Variants in ICE2 observed in about 807,000 individuals in gnomAD.
The protein encoded by ICE2 is little elongation complex subunit 2.
A neutral mutation model predicts 105.4 loss-of-function variants in ICE2; 87 were observed. The ratio of observed to expected loss-of-function variants is 0.83; its 90% CI spans 0.69 to 0.99. The LOEUF (loss-of-function observed/expected upper bound fraction) is 0.99. ICE2 is among the 50% of genes least tolerant of loss of function. ICE2 has a pLI of 0.00. For synonymous variants in ICE2, 399 were observed against 392.0 expected (o/e 1.02, Z -0.21); for missense variants, 1,323 against 1,146.7 (o/e 1.15, Z -2.22).
intron 14 of ICE2, among the ~76,000 whole-genome samples, chr15:60,430,593 C>G (rs566183736): frequency 6.6e-6 from 1 of 152,220 alleles, no homozygotes; most frequent in Admixed American, 6.5e-5. Flanking sequence ...AAAATCCTGT[C>G]ACATAATCAC....
At chr15:60,470,820 G>A (rs972333113) in intron 3 of ICE2, among the ~76,000 whole-genome samples, 3 of 151,844 alleles carry the variant, frequency 2.0e-5, no homozygotes, top group African/African-American at 7.3e-5. Context: ...TATAGGTATA[G>A]GATATATTTA....
chr15:60,419,855 CT>C lies in ICE2; in HGVS notation c.*3778del, dbSNP rs2063225200. 3 of 152,304 alleles carry C rather than the reference CT, an allele frequency of 2.0e-5. No homozygotes were observed. In the South Asian group the frequency reaches 6.2e-4, roughly 32 times the overall value. 9.4% of individuals were successfully genotyped at this position (152,304 alleles called of 1,614,324 possible). A position where few individuals can be genotyped will look rare whatever the true frequency, so the allele number is the denominator to read the frequency against. On this transcript the variant is annotated 3_prime_UTR_variant, in exon 16 of 16. Transcript: ENST00000261520. ...TAAAGTTTTCTTTCCTCTCCCTCCC[CT>C]AAACCTGTTCATAGCATATGTGATT...
At chr15:60,463,999 T>C (rs1292986976) in intron 5 of ICE2, among the ~76,000 whole-genome samples, 2 of 152,246 alleles carry the variant, frequency 1.3e-5, no homozygotes, top group Admixed American at 1.3e-4. Context: ...CGTAGATGTT[T>C]ACTATATAAT....
At chr15:60,441,223 G>C (rs144256266) in intron 12 of ICE2, 3 of 152,148 alleles carry the variant, frequency 2.0e-5, no homozygotes, top group African/African-American at 7.2e-5. Flanking sequence ...CAAAAACTTC[G>C]AGTATGTGTA....
chr15:60,437,989 A>G (rs568764448), intron 12 of ICE2: 2 of 152,280 alleles, frequency 1.3e-5, no homozygotes, highest in African/African-American at 2.4e-5. Flanking sequence ...CACAAACACA[A>G]TATGAATCTA....
Position 60,449,566 on chromosome 15 carries a change from C to T in ICE2, c.1401G>A (p.Glu467=), listed in dbSNP as rs186509093. ...SQILMEQLQK[E]KQLVTGMDGG... is the part of the protein sequence containing the mutation. The stretch of plus-strand genomic sequence containing the variant: ...CATCCATACCAGTGACCAGCTGTTT[C>T]TCCTTTTGCAATTGTTCCATCAGAA... Residue 467 remains glutamate, a synonymous_variant, in exon 10 of 16, where the codon GAG becomes GAA. Transcript: ENST00000261520. The T allele has an allele frequency of 6.0e-5, 97 of 1,614,198 alleles. No homozygotes were observed. The East Asian group carries it at 2.0e-3, about 33-fold the overall frequency.
intron 11 of ICE2, among the ~76,000 whole-genome samples, chr15:60,447,289 A>C (rs904306992): frequency 6.6e-6 from 1 of 152,230 alleles, no homozygotes; most frequent in African/African-American, 2.4e-5. Flanking sequence ...ACTCGAGTTC[A>C]CATGTAATAA....
At chr15:60,472,706 A>C (rs1051923732) in intron 3 of ICE2, among the ~76,000 whole-genome samples, 1 of 152,128 alleles carries the variant, frequency 6.6e-6, no homozygotes, top group Non-Finnish European at 1.5e-5. Context: ...CGTAAAAATA[A>C]ACTTGGCACA....
chr15:60,471,425 G>A (rs1179000684), intron 3 of ICE2, among the ~76,000 whole-genome samples: 1 of 152,182 alleles, frequency 6.6e-6, no homozygotes, highest in Non-Finnish European at 1.5e-5. Flanking sequence ...ACTCTTAACA[G>A]TACTGCTTCA....
intron 3 of ICE2, among the ~76,000 whole-genome samples, chr15:60,475,082 AC>A (rs2064720102): frequency 6.6e-6 from 1 of 152,210 alleles, no homozygotes; most frequent in African/African-American, 2.4e-5. Flanking sequence ...ATGGGGAGAT[AC>A]GTTTCCTCCA....
chr15:60,463,944 C>G (rs1567003413), intron 5 of ICE2, among the ~76,000 whole-genome samples: 1 of 152,192 alleles, frequency 6.6e-6, no homozygotes, highest in Non-Finnish European at 1.5e-5. Context: ...CAGGGGGCTT[C>G]TGAATTACTG....
rs1327738767 is a variant in ICE2 at position 60,469,593 on chromosome 15, T to C, written c.147-1271A>G. Among the ~76,000 whole-genome samples the C allele has an allele frequency of 2.0e-5, 3 of 152,224 alleles. No homozygotes were observed. The East Asian group carries it at 5.8e-4, about 29-fold the overall frequency. On this transcript the variant is annotated intron_variant, in intron 3 of 15. Transcript: ENST00000261520. ...CAGGAACTGCCGGTCCTTGGATTGG[T>C]GTCACCTTTGTTATTCATCTTTCAA...
At chr15:60,429,412 C>T (rs1269743163) in intron 14 of ICE2, among the ~76,000 whole-genome samples, 2 of 152,144 alleles carry the variant, frequency 1.3e-5, no homozygotes, top group African/African-American at 4.8e-5. Flanking sequence ...ACTCCACAGG[C>T]CATACCCTTA....
intron 5 of ICE2, among the ~76,000 whole-genome samples, chr15:60,466,248 T>C (rs1211971619): frequency 6.6e-6 from 1 of 152,220 alleles, no homozygotes; most frequent in African/African-American, 2.4e-5. Context: ...GACCGAGTTT[T>C]AAAAGGCCAT....
chr15:60,468,190 AG>A lies in ICE2; in HGVS notation c.278del (p.Pro93LeufsTer35). ...GMVLLPKPRVPYPRFSRFSQR... is the reference protein window; with the variant it reads ...GMVLLPKPRVXYPRFSRFSQR... ...GTGAGAAACGAGAGAAACGAGGATA[AG>A]GAACTCTTGGTTTTGGAAGAAGAAC... On this transcript the variant is annotated frameshift_variant, in exon 4 of 16. Coordinates refer to ENST00000261520, the MANE Select transcript of ICE2 (RefSeq NM_024611.6). LOFTEE classifies it high-confidence loss of function. The A allele has an allele frequency of 6.2e-7, 1 of 1,614,112 alleles. No homozygotes were observed. Among genetic ancestry groups the A allele is most frequent in the Non-Finnish European group, 8.5e-7 (1 of 1,179,994 alleles).
chr15:60,476,154 T>G lies in ICE2; in HGVS notation c.55A>C (p.Lys19Gln). 6.3e-7 allele frequency: 1 copy of G among 1,598,518 alleles called. No homozygotes were observed. The highest frequency in any genetic ancestry group is 8.5e-7 in the Non-Finnish European group (1 of 1,172,282). The change falls in exon 3 of 16, where the codon AAA (lysine) becomes CAA (glutamine). Residue 19 changes from lysine to glutamine, a missense_variant. Transcript: ENST00000261520. ...GAGAAAAATGTCTTAAGGCCATTTT[T>G]GGGGGAAATATCCCTGTGAAACAAA... The part of the protein sequence containing the change: ...EPGLNWDISP[K>Q]NGLKTFFSRE...
At chr15:60,426,813 A>C (rs935271246) in intron 15 of ICE2, among the ~76,000 whole-genome samples, 5 of 152,226 alleles carry the variant, frequency 3.3e-5, no homozygotes, top group African/African-American at 1.2e-4. Context: ...GAGAGACTAT[A>C]ATCAGTGTTT....
Position 60,449,314 on chromosome 15 carries a change from T to A in ICE2, c.1653A>T (p.Ser551=), listed in dbSNP as rs771613806. The change falls in exon 10 of 16, where the codon TCA becomes TCT. Residue 551 remains serine (S), a synonymous_variant. Coordinates refer to ENST00000261520, the MANE Select transcript of ICE2 (RefSeq NM_024611.6). ...CTTCTGATCCAACAGTCTTTTCCTT[T>A]GAGTTGTCTAGGTTTTCTAGAACAT... ...RPNVLENLDN[S]KEKTVGSEAA... is the part of the protein sequence containing the mutation. 5 of 1,613,166 alleles carry A rather than the reference T, an allele frequency of 3.1e-6. No individual in the cohort carries two copies. Among genetic ancestry groups the A allele is most frequent in the East Asian group, 4.5e-5 (2 of 44,876 alleles).
chr15:60,444,207 T>C (rs2063776556), intron 11 of ICE2, among the ~76,000 whole-genome samples: 1 of 152,142 alleles, frequency 6.6e-6, no homozygotes, highest in Non-Finnish European at 1.5e-5. Flanking sequence ...GGATTAGAAA[T>C]GGGTAAGAGT....
Sources: gnomAD v4.1 joint callset for allele counts (sites outside exome capture counted in the v4.1 genomes callset) on GRCh38, gnomAD v4.1.1 for gene constraint, MANE v1.5 for transcripts, NCBI Gene and HGNC (gene_info 2026-07-23, HGNC 2026-07-21) for gene names.